Variants in CTNNA2 observed in about 807,000 individuals in gnomAD.
CTNNA2 encodes catenin alpha 2, also known as catenin alpha-2.
A neutral mutation model predicts 101.0 loss-of-function variants in CTNNA2; 42 were observed. That is an observed-to-expected ratio of 0.42 (90% CI 0.32 to 0.54). The LOEUF is 0.54. CTNNA2 is among the 20% of genes least tolerant of loss of function. The pLI is 0.14. For synonymous variants in CTNNA2, 450 were observed against 456.4 expected (o/e 0.99, Z 0.18); for missense variants, 871 against 1,223.1 (o/e 0.71, Z 4.29).
chr2:79,309,458 T>C (rs1433511579), intron 2 of CTNNA2, among the ~76,000 whole-genome samples: 1 of 152,166 alleles, frequency 6.6e-6, no homozygotes, highest in Non-Finnish European at 1.5e-5. Context: ...AGTATGGCTT[T>C]ATAGACAGAA....
At chr2:79,342,115 TCTG>T (rs1216225272) in intron 3 of CTNNA2, among the ~76,000 whole-genome samples, 1 of 152,192 alleles carries the variant, frequency 6.6e-6, no homozygotes, top group African/African-American at 2.4e-5. Context: ...TGCAGCAACT[TCTG>T]TGTAGCTCTT....
chr2:80,586,084 T>C (rs1295618941), intron 14 of CTNNA2, among the ~76,000 whole-genome samples: 2 of 152,272 alleles, frequency 1.3e-5, no homozygotes, highest in Middle Eastern at 3.4e-3. Context: ...GTTATGTTAA[T>C]GCAGTGAGTG....
In CTNNA2 at chr2:80,079,088, C is replaced by T. The variant is rs989667668; in HGVS notation, c.1056+169291C>T. ...CTTAGTCTCTGCCCTGTGTCTGGGACGCTGTGAGATGCTGGTGAATTTGCT... is the reference window on the plus strand; with the variant it reads ...CTTAGTCTCTGCCCTGTGTCTGGGATGCTGTGAGATGCTGGTGAATTTGCT... On this transcript the variant is annotated intron_variant, in intron 7 of 18. Transcript: ENST00000402739. 7.2e-5 allele frequency among the ~76,000 whole-genome samples: 11 copies of T among 152,154 alleles called. 1 individual carries two copies. Among genetic ancestry groups the T allele is most frequent in the African/African-American group, 1.9e-4 (8 of 41,424 alleles).
chr2:80,097,283 G>C (rs1170226347), intron 7 of CTNNA2, among the ~76,000 whole-genome samples: 1 of 152,094 alleles, frequency 6.6e-6, no homozygotes, highest in Non-Finnish European at 1.5e-5. Flanking sequence ...TTTGCTGGAT[G>C]TGAAATTCTG....
intron 7 of CTNNA2, among the ~76,000 whole-genome samples, chr2:80,108,080 T>C (rs927745646): frequency 6.6e-6 from 1 of 152,170 alleles, no homozygotes; most frequent in African/African-American, 2.4e-5. Context: ...GGTTTATGCT[T>C]CTTGGTTGAA....
At chr2:79,313,839 G>A (rs1676436471) in intron 3 of CTNNA2, among the ~76,000 whole-genome samples, 1 of 152,062 alleles carries the variant, frequency 6.6e-6, no homozygotes, top group African/African-American at 2.4e-5. Flanking sequence ...GGGGTAAGAG[G>A]GGAGAAGTGC....
At chr2:79,509,182 CAA>C (rs1242793454), upstream of CTNNA2, among the ~76,000 whole-genome samples, 5 of 151,574 alleles carry the variant, frequency 3.3e-5, no homozygotes, top group Non-Finnish European at 7.4e-5. Flanking sequence ...GTTTCTCAGA[CAA>C]GAGAAGAAAT....
At chr2:79,305,457 G>T (rs937271861) in intron 2 of CTNNA2, among the ~76,000 whole-genome samples, 1 of 150,776 alleles carries the variant, frequency 6.6e-6, no homozygotes, top group Admixed American at 6.6e-5. Flanking sequence ...TAGAGTTTGT[G>T]TTACTACCTT....
At chr2:80,638,933 A>C (rs1673153539) in intron 18 of CTNNA2, among the ~76,000 whole-genome samples, 1 of 152,210 alleles carries the variant, frequency 6.6e-6, no homozygotes, top group South Asian at 2.1e-4. Context: ...CTTCCTGCCA[A>C]GGTCTTTGCC....
intron 7 of CTNNA2, among the ~76,000 whole-genome samples, chr2:80,260,884 G>A (rs1672557272): frequency 6.6e-6 from 1 of 152,058 alleles, no homozygotes; most frequent in South Asian, 2.1e-4. Flanking sequence ...TTCCACCAAA[G>A]CAATCATTGT....
At chr2:79,344,560 T>C (rs190431215) in intron 3 of CTNNA2, among the ~76,000 whole-genome samples, 109 of 152,188 alleles carry the variant, frequency 7.2e-4, no homozygotes, top group Non-Finnish European at 1.2e-3. Context: ...GAGTTAACTC[T>C]AAATACTATC....
intron 2 of CTNNA2, among the ~76,000 whole-genome samples, chr2:79,731,797 A>G (rs1687212140): frequency 6.6e-6 from 1 of 150,818 alleles, no homozygotes; most frequent in Admixed American, 6.7e-5. Context: ...TCTCAAGTTG[A>G]GAAAGTGGCA....
rs566005354 is a variant in CTNNA2 at position 79,975,662 on chromosome 2, C to T, written c.1056+65865C>T. Among the ~76,000 whole-genome samples, 4 of 152,248 alleles carry T rather than the reference C, an allele frequency of 2.6e-5. No individual in the cohort carries two copies. In the South Asian group the frequency reaches 8.3e-4, roughly 32 times the overall value. On this transcript the variant is annotated intron_variant, in intron 7 of 18. Coordinates refer to ENST00000402739, the MANE Select transcript of CTNNA2 (RefSeq NM_001282597.3). Reference sequence around the variant, plus strand: ...TAATTTGCTAAAGTGGCTCATAGAGCTTGGAGACATACCTTACTTACATTT... The same window carrying T: ...TAATTTGCTAAAGTGGCTCATAGAGTTTGGAGACATACCTTACTTACATTT...
intron 6 of CTNNA2, among the ~76,000 whole-genome samples, chr2:79,885,224 A>G (rs1432135208): frequency 1.6e-5 from 1 of 62,404 alleles, no homozygotes; most frequent in Admixed American, 1.9e-4. Context: ...GGTAAGTCAG[A>G]GGCCCAAATA....
At chr2:79,632,251 T>C (rs4852502) in intron 1 of CTNNA2, among the ~76,000 whole-genome samples, 33,950 of 151,968 alleles carry the variant, frequency 0.22, 4,406 homozygotes, top group African/African-American at 0.35. Flanking sequence ...CTTTGTAAAA[T>C]TGAAAGTAAA....
At chr2:79,483,098 G>A (rs1238460478) in intron 4 of CTNNA2, among the ~76,000 whole-genome samples, 1 of 152,182 alleles carries the variant, frequency 6.6e-6, no homozygotes, top group African/African-American at 2.4e-5. Flanking sequence ...TGTCTCTATT[G>A]CATGTTGGCT....
At chr2:79,422,060 G>A (rs1678545675) in intron 4 of CTNNA2, among the ~76,000 whole-genome samples, 1 of 152,152 alleles carries the variant, frequency 6.6e-6, no homozygotes, top group Non-Finnish European at 1.5e-5. Flanking sequence ...GGCTGAGGCA[G>A]GAGAATCGCT....
chr2:79,764,256 A>G (rs1672988085), intron 3 of CTNNA2, among the ~76,000 whole-genome samples: 1 of 152,232 alleles, frequency 6.6e-6, no homozygotes, highest in African/African-American at 2.4e-5. Context: ...TTTCATATTA[A>G]AGAATGTTCT....
chr2:79,681,803 C>T (rs1683579924), intron 2 of CTNNA2, among the ~76,000 whole-genome samples: 2 of 152,120 alleles, frequency 1.3e-5, no homozygotes, highest in African/African-American at 2.4e-5. Flanking sequence ...TTGGGAAAAA[C>T]TTACCGCTTC....
Sources: allele counts gnomAD v4.1 joint callset (sites outside exome capture counted in the v4.1 genomes callset), GRCh38; gene constraint gnomAD v4.1.1; transcripts MANE v1.5; gene names NCBI Gene and HGNC (gene_info 2026-07-23, HGNC 2026-07-21).